The following C1orf21 variants were observed in gnomAD, a reference collection of about 807,000 sequenced individuals.
C1orf21 encodes the protein chromosome 1 open reading frame 21, also known as uncharacterized protein C1orf21.
In C1orf21, 3 loss-of-function variants were observed where a neutral mutation model predicts 18.7. The observed-to-expected ratio is 0.16, with a 90% CI of 0.07 to 0.42. The LOEUF is 0.42. C1orf21 is among the 10% of genes least tolerant of loss of function. The probability of loss-of-function intolerance (pLI) is 0.99; values close to 1 mark genes in which losing one functional copy is unlikely to be tolerated. For missense variants in C1orf21, 104 were observed against 143.6 expected (o/e 0.72, Z 1.41); for synonymous variants, 41 against 46.4 (o/e 0.88, Z 0.47).
intron 2 of C1orf21, among the ~76,000 whole-genome samples, chr1:184,484,388 T>C (rs1657703228): frequency 6.6e-6 from 1 of 152,242 alleles, no homozygotes; most frequent in African/African-American, 2.4e-5. Context: ...GTTTTCCAAA[T>C]ATAAACTTTT....
chr1:184,556,521 CAGGA>C (rs1297019244), intron 3 of C1orf21, among the ~76,000 whole-genome samples: 1 of 152,176 alleles, frequency 6.6e-6, no homozygotes, highest in Non-Finnish European at 1.5e-5. Context: ...AAACACAAAA[CAGGA>C]AGGAAGGAAC....
intron 3 of C1orf21, among the ~76,000 whole-genome samples, chr1:184,580,320 A>G (rs1659258852): frequency 6.6e-6 from 1 of 152,214 alleles, no homozygotes; most frequent in Non-Finnish European, 1.5e-5. Context: ...ACTTATTTAA[A>G]GTTTTCATTG....
chr1:184,506,566 A>G (rs1250793460), intron 2 of C1orf21, among the ~76,000 whole-genome samples: 1 of 152,204 alleles, frequency 6.6e-6, no homozygotes, highest in Non-Finnish European at 1.5e-5. Flanking sequence ...GTTAGACATT[A>G]CTTCATGCTA....
In C1orf21 at chr1:184,620,880, A is replaced by G. The variant is rs1659905086; in HGVS notation, c.*1324A>G. On this transcript the variant is annotated 3_prime_UTR_variant, in exon 6 of 6. Coordinates refer to ENST00000235307, the MANE Select transcript of C1orf21 (RefSeq NM_030806.4). ...ATCAAAAGGAGAAAATAACTTTTGT[A>G]TTTTTTTAATGTGTTTGATAGCTTT... 6.6e-6 allele frequency: 1 copy of G among 152,558 alleles called. No individual in the cohort carries two copies. 9.5% of individuals were successfully genotyped at this position (152,558 alleles called of 1,614,324 possible). A position where few individuals can be genotyped will look rare whatever the true frequency, so the allele number is the denominator to read the frequency against.
At chr1:184,452,840 A>T (rs10489721) in intron 1 of C1orf21, among the ~76,000 whole-genome samples, 8,906 of 151,970 alleles carry the variant, frequency 0.059, 862 homozygotes, top group African/African-American at 0.2. Flanking sequence ...TTTTAATATG[A>T]CCGGCTCTGT....
rs1659904596 is a variant in C1orf21 at position 184,620,852 on chromosome 1, G to A, written c.*1296G>A. 2 of 152,588 alleles carry A rather than the reference G, an allele frequency of 1.3e-5. No individual in the cohort carries two copies. The highest frequency in any genetic ancestry group is 2.4e-5 in the African/African-American group (1 of 41,434). The allele number at this position is 152,588 out of a possible 1,614,324, so 9.5% of individuals were successfully genotyped here. ...TAACAAATATTGTCACAAGTAAATA[G>A]CAATCAAAAGGAGAAAATAACTTTT... is the stretch of plus-strand genomic sequence containing the variant. On this transcript the variant is annotated 3_prime_UTR_variant, in exon 6 of 6. Transcript: ENST00000235307.
chr1:184,483,567 T>A (rs1657687408), intron 2 of C1orf21, among the ~76,000 whole-genome samples: 1 of 152,174 alleles, frequency 6.6e-6, no homozygotes, highest in Non-Finnish European at 1.5e-5. Context: ...TTGCAGTTAG[T>A]TTCCAGATCC....
chr1:184,395,615 T>G (rs956856641), intron 1 of C1orf21, among the ~76,000 whole-genome samples: 2 of 151,832 alleles, frequency 1.3e-5, no homozygotes, highest in South Asian at 4.2e-4. Context: ...GAACACATGA[T>G]ATGTGGTGAA....
chr1:184,477,530 G>A lies in C1orf21; in HGVS notation c.21G>A (p.Lys7=), dbSNP rs753184103. Residue 7 remains lysine, a synonymous_variant, in exon 2 of 6, where the codon AAG becomes AAA. Coordinates refer to ENST00000235307, the MANE Select transcript of C1orf21 (RefSeq NM_030806.4). MGCASA[K]HVATVQNEEE... is the part of the protein sequence containing the mutation. The stretch of plus-strand genomic sequence containing the variant: ...AGACTATGGGCTGTGCCTCCGCCAA[G>A]CATGTTGCCACTGTTCAAAATGAAG... 1.9e-6 allele frequency: 3 copies of A among 1,614,036 alleles called. No homozygotes were observed. In the South Asian group the frequency reaches 3.3e-5, roughly 18 times the overall value.
intron 1 of C1orf21, among the ~76,000 whole-genome samples, chr1:184,448,579 C>T (rs7537725): frequency 0.16 from 23,970 of 152,154 alleles, 1,929 homozygotes; most frequent in Middle Eastern, 0.19. Context: ...CTAGCTTTTA[C>T]CTAGTACTGC....
At chr1:184,484,884 C>CTGTGGGTGTGTG (rs1657710336) in intron 2 of C1orf21, among the ~76,000 whole-genome samples, 1 of 145,982 alleles carries the variant, frequency 6.9e-6, no homozygotes, top group African/African-American at 2.5e-5. Flanking sequence ...ATGCTTGTGG[C>CTGTGGGTGTGTG]TGTGTGTGTG....
At chr1:184,444,014 AG>A (rs1176357420) in intron 1 of C1orf21, among the ~76,000 whole-genome samples, 3 of 152,138 alleles carry the variant, frequency 2.0e-5, no homozygotes, top group African/African-American at 7.2e-5. Context: ...ACTCTTGCCT[AG>A]GGGGAATACA....
In C1orf21 at chr1:184,623,297, C is replaced by T. The variant is rs1045250855; in HGVS notation, c.*3741C>T. ...AATCTTAGACTTCGGGACTCTGACA[C>T]GTTCTTTATGAAAGGCAAAATAATT... On this transcript the variant is annotated 3_prime_UTR_variant, in exon 6 of 6. Transcript: ENST00000235307. The T allele has an allele frequency of 6.6e-6, 1 of 152,180 alleles. No homozygotes were observed. Among genetic ancestry groups the T allele is most frequent in the South Asian group, 2.1e-4 (1 of 4,830 alleles). 9.4% of individuals were successfully genotyped at this position (152,180 alleles called of 1,614,324 possible). A position where few individuals can be genotyped will look rare whatever the true frequency, so the allele number is the denominator to read the frequency against.
chr1:184,414,360 C>G (rs1054009517), intron 1 of C1orf21, among the ~76,000 whole-genome samples: 1 of 152,112 alleles, frequency 6.6e-6, no homozygotes, highest in Non-Finnish European at 1.5e-5. Flanking sequence ...AACTCCTGGG[C>G]TCAAGCATTT....
At chr1:184,488,558 T>G (rs1184180392) in intron 2 of C1orf21, among the ~76,000 whole-genome samples, 1 of 152,236 alleles carries the variant, frequency 6.6e-6, no homozygotes, top group East Asian at 1.9e-4. Context: ...AATTCACATT[T>G]TATTCTTTGA....
chr1:184,559,825 C>T (rs1399815758), intron 3 of C1orf21, among the ~76,000 whole-genome samples: 1 of 151,992 alleles, frequency 6.6e-6, no homozygotes, highest in Non-Finnish European at 1.5e-5. Context: ...ACCATGTTGC[C>T]CAGGCTGGTC....
chr1:184,454,013 C>A (rs1280878981), intron 1 of C1orf21, among the ~76,000 whole-genome samples: 1 of 151,458 alleles, frequency 6.6e-6, no homozygotes, highest in Non-Finnish European at 1.5e-5. Flanking sequence ...GTGTAGGGAC[C>A]CTGAGTGCTT....
At chr1:184,571,189 T>G (rs1225222366) in intron 3 of C1orf21, among the ~76,000 whole-genome samples, 2 of 146,766 alleles carry the variant, frequency 1.4e-5, no homozygotes, top group Non-Finnish European at 3.0e-5. Flanking sequence ...CCCAGCTACT[T>G]GGGAGGCTGA....
At chr1:184,418,262 A>G (rs865955523) in intron 1 of C1orf21, among the ~76,000 whole-genome samples, 26 of 151,994 alleles carry the variant, frequency 1.7e-4, no homozygotes, top group African/African-American at 6.3e-4. Context: ...TCTGTCTCCC[A>G]GGGCTGGAAT....
Sources: gnomAD v4.1 joint callset for allele counts (sites outside exome capture counted in the v4.1 genomes callset) on GRCh38, gnomAD v4.1.1 for gene constraint, MANE v1.5 for transcripts, NCBI Gene and HGNC (gene_info 2026-07-23, HGNC 2026-07-21) for gene names.